SH3D21: variants seen among roughly 807,000 people sequenced by gnomAD.
SH3D21 encodes the protein SH3 domain-containing protein 21.
In SH3D21, 83 loss-of-function variants were observed where a neutral mutation model predicts 82.1. That is an observed-to-expected ratio of 1.01 (90% CI 0.85 to 1.21). The LOEUF (loss-of-function observed/expected upper bound fraction) is 1.21. SH3D21 is among the 50% of genes most tolerant of loss of function. The pLI, the probability that SH3D21 is intolerant of heterozygous loss-of-function variation, is 0.00. For missense variants in SH3D21, 980 were observed against 962.1 expected (o/e 1.02, Z -0.25); for synonymous variants, 383 against 387.8 (o/e 0.99, Z 0.15).
downstream of SH3D21, chr1:36,322,732 G>A (rs1242197199): frequency 6.5e-7 from 1 of 1,545,960 alleles, no homozygotes; most frequent in South Asian, 1.2e-5. Flanking sequence ...TTGGCTGCGG[G>A]GCACAGGGCG....
downstream of SH3D21, among the ~76,000 whole-genome samples, chr1:36,329,390 A>G (rs536840782): frequency 6.8e-6 from 1 of 147,258 alleles, no homozygotes; most frequent in East Asian, 2.2e-4. Flanking sequence ...GGAAAATTCA[A>G]TGTATAGTAG....
chr1:36,313,952 A>G (rs964625078), intron 10 of SH3D21, among the ~76,000 whole-genome samples: 10 of 142,924 alleles, frequency 7.0e-5, no homozygotes, highest in Admixed American at 1.5e-4. Flanking sequence ...TCTGATGGCT[A>G]ATGATGCTGA....
Position 36,307,629 on chromosome 1 carries a change from C to G in SH3D21, c.436+22C>G, listed in dbSNP as rs375294868. Reference sequence around the variant, plus strand: ...CCAAGTGAGACCTCGACTCTGTGACCCTGTGACTCGCAATCTCCAATGACC... The same window carrying G: ...CCAAGTGAGACCTCGACTCTGTGACGCTGTGACTCGCAATCTCCAATGACC... On this transcript the variant is annotated intron_variant, in intron 5 of 15. Transcript: ENST00000453908. This position sits in a 1 kb window ranked among gnomAD's most constrained non-coding sequence, Gnocchi z 5.4. 1.3e-6 allele frequency: 2 copies of G among 1,550,304 alleles called. No homozygotes were observed. The highest frequency in any genetic ancestry group is 1.2e-5 in the South Asian group (1 of 83,928).
chr1:36,309,541 G>A lies in SH3D21; in HGVS notation c.727-7G>A, dbSNP rs776913135. 4.9e-5 allele frequency: 76 copies of A among 1,551,238 alleles called. No individual in the cohort carries two copies. The highest frequency in any genetic ancestry group is 7.1e-5 in the South Asian group (6 of 84,044). ...GGATGCTCAACCTTTACTTCTTTTC[G>A]GCATAGATCAAGAAGCTGGTCCCAC... On this transcript the variant is annotated splice_polypyrimidine_tract_variant and splice_region_variant and intron_variant, in intron 9 of 15. Transcript: ENST00000453908.
At chr1:36,308,552 G>A (rs1170658333) in intron 9 of SH3D21, 77 bp downstream of exon 9, 40 of 1,190,806 alleles carry the variant, frequency 3.4e-5, no homozygotes, top group Non-Finnish European at 4.6e-5. Context: ...GGCACTCTCC[G>A]GACCTAGCTG....
downstream of SH3D21, chr1:36,322,356 G>T: frequency 1.3e-6 from 2 of 1,586,080 alleles, no homozygotes; most frequent in East Asian, 2.3e-5. Flanking sequence ...CAGCGTGCCT[G>T]TGCCCAGCAG....
At chr1:36,314,877 G>T (rs1484897196) in intron 10 of SH3D21, among the ~76,000 whole-genome samples, 1 of 152,082 alleles carries the variant, frequency 6.6e-6, no homozygotes, top group East Asian at 1.9e-4. Context: ...AAATTGAGCT[G>T]CCTTCAACTT....
intron 10 of SH3D21, among the ~76,000 whole-genome samples, chr1:36,311,832 T>G: frequency 6.6e-6 from 1 of 151,950 alleles, no homozygotes; most frequent in African/African-American, 2.4e-5. Context: ...TAGCTGGTAC[T>G]ACAGGTACAA....
At chr1:36,314,549 G>T (rs1646306565) in intron 10 of SH3D21, among the ~76,000 whole-genome samples, 1 of 150,360 alleles carries the variant, frequency 6.7e-6, no homozygotes, top group South Asian at 2.1e-4. Flanking sequence ...TCTGCCTCCT[G>T]GGTTCAAGCG....
intron 10 of SH3D21, among the ~76,000 whole-genome samples, chr1:36,312,299 A>G (rs1646257399): frequency 6.6e-6 from 1 of 152,218 alleles, no homozygotes. Flanking sequence ...CTGGGATTAC[A>G]GGCGTGAGCC....
intron 11 of SH3D21, 46 bp downstream of exon 11, chr1:36,319,210 A>T: frequency 6.5e-7 from 1 of 1,548,716 alleles, no homozygotes; most frequent in Non-Finnish European, 8.7e-7. Flanking sequence ...GTAGGAGGCA[A>T]CGCCCCTCCC....
chr1:36,329,220 A>G (rs1388753076), downstream of SH3D21: 1 of 152,220 alleles, frequency 6.6e-6, no homozygotes, highest in Non-Finnish European at 1.5e-5. Context: ...AGGTAATGAT[A>G]ATGTGTTTGT....
At chr1:36,322,678 C>T, downstream of SH3D21, 1 of 1,547,202 alleles carries the variant, frequency 6.5e-7, no homozygotes, top group South Asian at 1.2e-5. Context: ...AGCAGCAGGC[C>T]GAAGCAGACG....
In SH3D21 at chr1:36,307,051, G is replaced by A; in HGVS notation, c.227-116G>A. 6.7e-7 allele frequency: 1 copy of A among 1,481,860 alleles called. No individual in the cohort carries two copies. Among genetic ancestry groups the A allele is most frequent in the South Asian group, 1.4e-5 (1 of 73,582 alleles). The allele number at this position is 1,481,860 out of a possible 1,614,324, so 91.8% of individuals were successfully genotyped here. ...TCTGTGATTGGTTCTCGAGTGCAAT[G>A]CTCCGCCCTGGGGCGGGGCTGGAGG... On this transcript the variant is annotated intron_variant, in intron 3 of 15. Coordinates refer to ENST00000453908, the MANE Select transcript of SH3D21 (RefSeq NM_001162530.2). The surrounding 1 kb of genome is among the most constrained non-coding windows in gnomAD (Gnocchi z 5.4).
downstream of SH3D21, chr1:36,323,119 C>T (rs1646496498): frequency 6.8e-7 from 1 of 1,470,582 alleles, no homozygotes; most frequent in Non-Finnish European, 9.2e-7. Flanking sequence ...CCCACCCCGA[C>T]CCCTTCCGCG....
chr1:36,323,069 T>C (rs1227582576), downstream of SH3D21: 1 of 1,592,642 alleles, frequency 6.3e-7, no homozygotes, highest in Admixed American at 1.9e-5. Flanking sequence ...CCTACCAGCC[T>C]GCGAGGTCAG....
In SH3D21 at chr1:36,320,234, C is replaced by T. The variant is rs1646423250; in HGVS notation, c.1571C>T (p.Pro524Leu). The T allele has an allele frequency of 2.5e-6, 4 of 1,613,060 alleles. No individual in the cohort carries two copies. The highest frequency in any genetic ancestry group is 1.1e-5 in the South Asian group (1 of 91,088). The change falls in exon 14 of 16, where the codon CCA (proline) becomes CTA (leucine). Residue 524 changes from proline (P) to leucine (L), a missense_variant. Coordinates refer to ENST00000453908, the MANE Select transcript of SH3D21 (RefSeq NM_001162530.2). ...AAGTACTTTGTAGCCAAAGAGGATC[C>T]ATCATCCCAGGAGGAGGCCCACACG... ...KVKYFVAKED[P>L]SSQEEAHTPE...
chr1:36,320,738 C>A lies in SH3D21; in HGVS notation c.2075C>A (p.Ser692Ter). ...AAGAATGAAGGAGTTGATGTAACGT[C>A]GCTGAGGGGCGAGGTGGAGTCTCTA... ...ENKNEGVDVT[S>*]LRGEVESLRR... The change falls in exon 14 of 16, where the codon TCG becomes TAG. Residue 692 changes from serine (S) to a stop codon, truncating the protein, a stop_gained. Coordinates refer to ENST00000453908, the MANE Select transcript of SH3D21 (RefSeq NM_001162530.2). LOFTEE classifies it high-confidence loss of function. The A allele has an allele frequency of 6.2e-7, 1 of 1,608,534 alleles. No homozygotes were observed. Among genetic ancestry groups the A allele is most frequent in the Non-Finnish European group, 8.5e-7 (1 of 1,177,206 alleles).
At chr1:36,309,407 A>G (rs1423428402) in intron 9 of SH3D21, 141 bp from the exon 10 acceptor site, 9 of 888,392 alleles carry the variant, frequency 1.0e-5, no homozygotes, top group African/African-American at 1.7e-5. Context: ...ATGTTGGCCA[A>G]GCTGGTCTCG....
Sources: allele counts gnomAD v4.1 joint callset (sites outside exome capture counted in the v4.1 genomes callset), GRCh38; gene constraint gnomAD v4.1.1; non-coding constraint Gnocchi (gnomAD v3.1); transcripts MANE v1.5; gene names NCBI Gene and HGNC (gene_info 2026-07-23, HGNC 2026-07-21).